Variants in EFNA2 observed in about 807,000 individuals in gnomAD.
The protein encoded by EFNA2 is ephrin-A2.
Under a neutral mutation model 19.7 loss-of-function variants are expected in EFNA2, and 18 were observed. The observed-to-expected ratio is 0.91, with a 90% CI of 0.63 to 1.35. EFNA2 has a LOEUF of 1.35. EFNA2 is among the 40% of genes most tolerant of loss of function. The probability of loss-of-function intolerance (pLI) is 0.00; values close to 1 mark genes in which losing one functional copy is unlikely to be tolerated. For missense variants in EFNA2, 303 were observed against 296.0 expected (o/e 1.02, Z -0.17); for synonymous variants, 187 against 137.8 (o/e 1.36, Z -2.50).
rs1038168096 is a variant in EFNA2, at chr19:1,294,246, C to G, written c.141-1299C>G. Among the ~76,000 whole-genome samples the G allele has an allele frequency of 6.6e-6, 1 of 152,228 alleles. No homozygotes were observed. On this transcript the variant is annotated intron_variant, in intron 1 of 3. Coordinates refer to ENST00000215368, the MANE Select transcript of EFNA2 (RefSeq NM_001405.4). This position sits in a 1 kb window ranked among gnomAD's most constrained non-coding sequence, Gnocchi z 5.8. ...TCGTGCCCCGCTTGGTCCAGGCCGC[C>G]GGTTACATGACAGGGGCCCTGGGGA...
intron 1 of EFNA2, among the ~76,000 whole-genome samples, chr19:1,289,093 G>A (rs1394640892): frequency 4.6e-5 from 7 of 152,242 alleles, no homozygotes; most frequent in African/African-American, 7.2e-5. Flanking sequence ...GCCTGGAGTC[G>A]CATCCGGCTG....
In EFNA2 at chr19:1,285,971, C is replaced by T. The variant is rs959013440; in HGVS notation, c.-198C>T. Among the ~76,000 whole-genome samples the T allele has an allele frequency of 5.5e-5, 8 of 145,578 alleles. No individual in the cohort carries two copies. Among genetic ancestry groups the T allele is most frequent in the Non-Finnish European group, 1.2e-4 (8 of 65,568 alleles). On this transcript the variant is annotated 5_prime_UTR_variant, in exon 1 of 4. Transcript: ENST00000215368. This position sits in a 1 kb window ranked among gnomAD's most constrained non-coding sequence, Gnocchi z 4.1. ...CGCCCGGGGCGACCCCGGCGCCCCGCCCCGCCGCCGCCTGACTTCTCGGCG... is the reference window on the plus strand; with the variant it reads ...CGCCCGGGGCGACCCCGGCGCCCCGTCCCGCCGCCGCCTGACTTCTCGGCG...
At chr19:1,288,233 G>A (rs1281018669) in intron 1 of EFNA2, among the ~76,000 whole-genome samples, 2 of 152,252 alleles carry the variant, frequency 1.3e-5, no homozygotes, top group Non-Finnish European at 2.9e-5. Flanking sequence ...CCAGAATCAG[G>A]GCTTTGTCGC....
rs780712470 is a variant in EFNA2, at chr19:1,298,629, G to A, written c.520+13G>A. 1.2e-6 allele frequency: 2 copies of A among 1,613,492 alleles called. No homozygotes were observed. Among genetic ancestry groups the A allele is most frequent in the Admixed American group, 3.3e-5 (2 of 59,972 alleles). ...GTGCGGCCGACCAGTAAGTGCTCAG[G>A]GGGATGGGCAGGATCCAGGCCCCCA... On this transcript the variant is annotated intron_variant, in intron 3 of 3. Coordinates refer to ENST00000215368, the MANE Select transcript of EFNA2 (RefSeq NM_001405.4).
rs897195931 is a variant in EFNA2, at chr19:1,287,634, C to T, written c.140+1326C>T. On this transcript the variant is annotated intron_variant, in intron 1 of 3. Transcript: ENST00000215368. This position sits in a 1 kb window ranked among gnomAD's most constrained non-coding sequence, Gnocchi z 6.2. ...CCCACCCTGGTCAACGGCCTCGGGT[C>T]GGGCCCTGGGGGCTGAGGGCAGGGA... Among the ~76,000 whole-genome samples the T allele has an allele frequency of 7.9e-5, 12 of 151,852 alleles. No homozygotes were observed. The highest frequency in any genetic ancestry group is 2.4e-4 in the African/African-American group (10 of 41,322).
chr19:1,288,368 A>C (rs1371785993), intron 1 of EFNA2, among the ~76,000 whole-genome samples: 1 of 151,708 alleles, frequency 6.6e-6, no homozygotes, highest in Non-Finnish European at 1.5e-5. Context: ...ATCCAAGGGG[A>C]CCCTGTGGAG....
At chr19:1,291,563 G>A (rs746025980) in intron 1 of EFNA2, among the ~76,000 whole-genome samples, 2 of 152,090 alleles carry the variant, frequency 1.3e-5, no homozygotes, top group African/African-American at 4.8e-5. Context: ...CTGCTCATCC[G>A]GCCAGCCTGG....
chr19:1,298,413 GTACGATTAGGAGT>G, intron 2 of EFNA2, 125 bp from the exon 3 acceptor site: 1 of 737,180 alleles, frequency 1.4e-6, no homozygotes, highest in East Asian at 2.7e-5. Context: ...GGGCTTTGAT[GTACGATTAGGAGT>G]TTTAAGGGTG....
chr19:1,290,407 G>A (rs368651189), intron 1 of EFNA2, among the ~76,000 whole-genome samples: 20 of 152,342 alleles, frequency 1.3e-4, no homozygotes, highest in Admixed American at 3.9e-4. Context: ...GGGAACAGAG[G>A]TTCCGTGGCG....
In EFNA2 at chr19:1,286,402, C is replaced by T. The variant is rs954890882; in HGVS notation, c.140+94C>T. ...CGCCCCCGGAGCTCCGGGCGCCCCCCACGCGCGCGCCGCCGCCGGGATGCG... is the reference window on the plus strand; with the variant it reads ...CGCCCCCGGAGCTCCGGGCGCCCCCTACGCGCGCGCCGCCGCCGGGATGCG... On this transcript the variant is annotated intron_variant, in intron 1 of 3. Coordinates refer to ENST00000215368, the MANE Select transcript of EFNA2 (RefSeq NM_001405.4). The surrounding 1 kb of genome is among the most constrained non-coding windows in gnomAD (Gnocchi z 5.6). 15 of 506,334 alleles carry T rather than the reference C, an allele frequency of 3.0e-5. No homozygotes were observed. In the South Asian group the frequency reaches 1.1e-3, roughly 37 times the overall value. 31.4% of individuals were successfully genotyped at this position (506,334 alleles called of 1,614,324 possible). A position where few individuals can be genotyped will look rare whatever the true frequency, so the allele number is the denominator to read the frequency against.
chr19:1,287,848 G>A lies in EFNA2; in HGVS notation c.140+1540G>A, dbSNP rs1393607119. On this transcript the variant is annotated intron_variant, in intron 1 of 3. Transcript: ENST00000215368. The surrounding 1 kb of genome is among the most constrained non-coding windows in gnomAD (Gnocchi z 6.2). ...CCGTCCCCAGCGTGGCCTGTCCTTT[G>A]TTCTAGCAAACGCCAAACACACGAG... Among the ~76,000 whole-genome samples the A allele has an allele frequency of 6.6e-6, 1 of 152,272 alleles. No homozygotes were observed. Among genetic ancestry groups the A allele is most frequent in the African/African-American group, 2.4e-5 (1 of 41,472 alleles).
Position 1,295,939 on chromosome 19 carries a change from T to TG in EFNA2, c.454+85dup, listed in dbSNP as rs919078456. The stretch of plus-strand genomic sequence containing the variant: ...GGGGCCAGGAAGTGGGCGGGACCAC[T>TG]GGGGTGGGGCCGGGGAGTGGGCGGG... On this transcript the variant is annotated intron_variant, in intron 2 of 3. Coordinates refer to ENST00000215368, the MANE Select transcript of EFNA2 (RefSeq NM_001405.4). The surrounding 1 kb of genome is among the most constrained non-coding windows in gnomAD (Gnocchi z 5.8). 19 of 224,142 alleles carry TG rather than the reference T, an allele frequency of 8.5e-5. No homozygotes were observed. The highest frequency in any genetic ancestry group is 6.9e-4 in the African/African-American group (11 of 16,016). The allele number at this position is 224,142 out of a possible 1,614,324, so 13.9% of individuals were successfully genotyped here.
intron 1 of EFNA2, among the ~76,000 whole-genome samples, chr19:1,289,862 G>A (rs958465799): frequency 2.6e-5 from 4 of 152,204 alleles, no homozygotes; most frequent in East Asian, 1.9e-4. Context: ...TCGGGGAGCC[G>A]GCTTTGAAGG....
intron 1 of EFNA2, among the ~76,000 whole-genome samples, chr19:1,291,982 A>G (rs11878978): frequency 0.2 from 30,879 of 152,110 alleles, 3,849 homozygotes; most frequent in African/African-American, 0.35. Context: ...AGGAGTAAAA[A>G]CTGCCACCGC....
rs960085260 is a variant in EFNA2 at position 1,290,553 on chromosome 19, C to T, written c.140+4245C>T. On this transcript the variant is annotated intron_variant, in intron 1 of 3. Transcript: ENST00000215368. ...AGTGGGTTGTGCATTCATGGGGGTC[C>T]GGGTGGTAGCGTTTCTGTGGAGCCG... Among the ~76,000 whole-genome samples, 4 of 152,244 alleles carry T rather than the reference C, an allele frequency of 2.6e-5. No homozygotes were observed. The South Asian group carries it at 8.3e-4, about 32-fold the overall frequency.
At chr19:1,298,832 C>T (rs927996034) in intron 3 of EFNA2, among the ~76,000 whole-genome samples, 3 of 152,240 alleles carry the variant, frequency 2.0e-5, no homozygotes, top group African/African-American at 7.2e-5. Context: ...ATAATCCCAG[C>T]ACATTGGGAT....
upstream of EFNA2, among the ~76,000 whole-genome samples, chr19:1,285,354 C>G (rs764340030): frequency 6.0e-4 from 92 of 152,196 alleles, no homozygotes; most frequent in Admixed American, 2.9e-3. The surrounding 1 kb of genome is among the most constrained non-coding windows in gnomAD (Gnocchi z 4.1). Flanking sequence ...TCCCGGCACC[C>G]TTAGGGCTGA....
upstream of EFNA2, among the ~76,000 whole-genome samples, chr19:1,284,725 C>T (rs866442715): frequency 2.6e-5 from 4 of 152,236 alleles, no homozygotes; most frequent in East Asian, 5.8e-4. This position sits in a 1 kb window ranked among gnomAD's most constrained non-coding sequence, Gnocchi z 5.3. Context: ...GGTTCACGGT[C>T]CCTGCCAGGA....
Position 1,301,269 on chromosome 19 carries a change from G to A in EFNA2, c.*1324G>A, listed in dbSNP as rs893096039. Among the ~76,000 whole-genome samples, 24 of 148,942 alleles carry A rather than the reference G, an allele frequency of 1.6e-4. No individual in the cohort carries two copies. Among genetic ancestry groups the A allele is most frequent in the African/African-American group, 3.4e-4 (14 of 40,750 alleles). On this transcript the variant is annotated 3_prime_UTR_variant, in exon 4 of 4. Transcript: ENST00000215368. ...GTGTACGGCCGCCGGCCGGCGGCTC[G>A]AGGCACGCCCGGTGGTGGGGGGTGG...
Sources: gnomAD v4.1 joint callset for allele counts (sites outside exome capture counted in the v4.1 genomes callset) on GRCh38, gnomAD v4.1.1 for gene constraint, Gnocchi (gnomAD v3.1) non-coding constraint, MANE v1.5 for transcripts, NCBI Gene and HGNC (gene_info 2026-07-23, HGNC 2026-07-21) for gene names.